The following TYR variants were observed in gnomAD, a reference collection of about 807,000 sequenced individuals.
The protein encoded by TYR is LB24-AB.
A neutral mutation model predicts 51.5 loss-of-function variants in TYR; 58 were observed. The ratio of observed to expected loss-of-function variants is 1.13; its 90% CI spans 0.91 to 1.40. The LOEUF (loss-of-function observed/expected upper bound fraction) is 1.40, where lower values mean the gene tolerates loss of function less well. TYR is among the 40% of genes most tolerant of loss of function. The pLI is 0.00. For missense variants in TYR, 732 were observed against 647.4 expected (o/e 1.13, Z -1.42); for synonymous variants, 263 against 235.2 (o/e 1.12, Z -1.08).
At chr11:89,205,330 G>A (rs980973236) in intron 2 of TYR, among the ~76,000 whole-genome samples, 6 of 152,090 alleles carry the variant, frequency 3.9e-5, no homozygotes, top group Non-Finnish European at 8.8e-5. Context: ...AGAAAAATCA[G>A]TTCTAAGAAC....
intron 2 of TYR, among the ~76,000 whole-genome samples, chr11:89,194,089 G>T (rs564250726): frequency 1.3e-5 from 2 of 152,184 alleles, no homozygotes; most frequent in Non-Finnish European, 2.9e-5. Flanking sequence ...AATATCCTCA[G>T]TATTTTTCCT....
chr11:89,187,523 G>A (rs1438693103), intron 1 of TYR, among the ~76,000 whole-genome samples: 1 of 152,136 alleles, frequency 6.6e-6, no homozygotes, highest in Non-Finnish European at 1.5e-5. Flanking sequence ...GATGACAGGG[G>A]AAGATGACTA....
chr11:89,275,388 C>T (rs143340210), intron 3 of TYR, among the ~76,000 whole-genome samples: 3,549 of 151,946 alleles, frequency 0.023, 147 homozygotes, highest in African/African-American at 0.081. Flanking sequence ...GAACAGAGCA[C>T]CTTGATTCTG....
chr11:89,268,673 C>T (rs1010037996), intron 3 of TYR, among the ~76,000 whole-genome samples: 1 of 151,870 alleles, frequency 6.6e-6, no homozygotes, highest in Non-Finnish European at 1.5e-5. Flanking sequence ...AATCCAGGAA[C>T]AGTTACTTCT....
At chr11:89,198,770 T>TATATATATATATATATATATATATATA (rs71052215) in intron 2 of TYR, among the ~76,000 whole-genome samples, 2 of 146,602 alleles carry the variant, frequency 1.4e-5, no homozygotes, top group African/African-American at 5.5e-5. Context: ...TATATATATA[T>TATATATATATATATATATATATATATA]TTTTATACTT....
chr11:89,222,833 T>C (rs1447542986), intron 2 of TYR, among the ~76,000 whole-genome samples: 1 of 152,188 alleles, frequency 6.6e-6, no homozygotes, highest in Non-Finnish European at 1.5e-5. Flanking sequence ...CATAACATAA[T>C]TTGGGGGAAC....
chr11:89,196,311 G>A (rs1286731079), intron 2 of TYR, among the ~76,000 whole-genome samples: 1 of 152,142 alleles, frequency 6.6e-6, no homozygotes, highest in Admixed American at 6.5e-5. Flanking sequence ...GAAAATTCAT[G>A]AAGATAGAAC....
intron 1 of TYR, among the ~76,000 whole-genome samples, chr11:89,180,522 T>G (rs1006298623): frequency 6.6e-6 from 1 of 152,042 alleles, no homozygotes. Flanking sequence ...TTTTCTCTCT[T>G]CATGAATGTG....
chr11:89,195,809 A>G (rs1943511888), intron 2 of TYR, among the ~76,000 whole-genome samples: 2 of 152,206 alleles, frequency 1.3e-5, no homozygotes, highest in South Asian at 4.1e-4. Flanking sequence ...TTGTCACATT[A>G]AAACAGAAAT....
At chr11:89,193,321 T>C (rs1203156639) in intron 2 of TYR, among the ~76,000 whole-genome samples, 2 of 152,096 alleles carry the variant, frequency 1.3e-5, no homozygotes, top group Admixed American at 6.6e-5. Context: ...TCGTCTAGGG[T>C]CTCAAGTCAA....
intron 3 of TYR, among the ~76,000 whole-genome samples, chr11:89,273,491 A>G (rs1377078972): frequency 1.3e-5 from 2 of 151,900 alleles, no homozygotes; most frequent in East Asian, 3.9e-4. Flanking sequence ...GAGTGACATC[A>G]AAAATCACTG....
At chr11:89,216,154 C>A (rs28578270) in intron 2 of TYR, among the ~76,000 whole-genome samples, 3,822 of 152,044 alleles carry the variant, frequency 0.025, 172 homozygotes, top group African/African-American at 0.088. Flanking sequence ...AGCTTATGAA[C>A]CTGGAATTGT....
At chr11:89,236,565 T>G (rs1242810276) in intron 3 of TYR, among the ~76,000 whole-genome samples, 4 of 152,236 alleles carry the variant, frequency 2.6e-5, no homozygotes, top group African/African-American at 9.6e-5. Flanking sequence ...GATTCAATTA[T>G]CATTATACAG....
At chr11:89,248,156 T>G (rs1023102474) in intron 3 of TYR, among the ~76,000 whole-genome samples, 3 of 152,168 alleles carry the variant, frequency 2.0e-5, no homozygotes, top group Non-Finnish European at 4.4e-5. Flanking sequence ...CAGCTTTGAT[T>G]TTTAGTATGA....
intron 3 of TYR, among the ~76,000 whole-genome samples, chr11:89,271,544 G>A (rs541434271): frequency 6.6e-6 from 1 of 151,970 alleles, no homozygotes; most frequent in South Asian, 2.1e-4. Flanking sequence ...TGGTAGGTCA[G>A]ACCTCTGGTA....
intron 3 of TYR, among the ~76,000 whole-genome samples, chr11:89,283,405 T>G (rs542464190): frequency 6.6e-6 from 1 of 151,898 alleles, no homozygotes; most frequent in South Asian, 2.1e-4. Flanking sequence ...TTCATTTTGT[T>G]TGAAGCATTA....
At chr11:89,222,656 T>A (rs1291417714) in intron 2 of TYR, among the ~76,000 whole-genome samples, 3 of 152,046 alleles carry the variant, frequency 2.0e-5, no homozygotes, top group Non-Finnish European at 4.4e-5. Context: ...GGAGAATCAC[T>A]TGAACCCAGG....
intron 3 of TYR, among the ~76,000 whole-genome samples, chr11:89,270,295 T>G (rs1179338362): frequency 6.6e-6 from 1 of 151,884 alleles, no homozygotes; most frequent in Non-Finnish European, 1.5e-5. Context: ...ATTCATTTTT[T>G]AAAACTTAAG....
chr11:89,255,144 T>A (rs1944375109), intron 3 of TYR, among the ~76,000 whole-genome samples: 2 of 151,822 alleles, frequency 1.3e-5, no homozygotes. Context: ...TTGGAGTTGA[T>A]TTCCAATTTT....
Sources: gnomAD v4.1 joint callset for allele counts (sites outside exome capture counted in the v4.1 genomes callset) on GRCh38, gnomAD v4.1.1 for gene constraint, MANE v1.5 for transcripts, NCBI Gene and HGNC (gene_info 2026-07-23, HGNC 2026-07-21) for gene names.